Variants in ADAMTS14 observed in about 807,000 individuals in gnomAD.
ADAMTS14 encodes the protein A disintegrin and metalloproteinase with thrombospondin motifs 14.
In ADAMTS14, 100 loss-of-function variants were observed where a neutral mutation model predicts 128.6. The ratio of observed to expected loss-of-function variants is 0.78; its 90% CI spans 0.66 to 0.92. The LOEUF is 0.92. ADAMTS14 is among the 40% of genes least tolerant of loss of function. The pLI, the probability that ADAMTS14 is intolerant of heterozygous loss-of-function variation, is 0.00. For missense variants in ADAMTS14, 1,562 were observed against 1,658.6 expected, an observed-to-expected ratio of 0.94 and a Z score of 1.01; for synonymous variants, 665 against 653.8, an observed-to-expected ratio of 1.02 and a Z score of -0.26.
chr10:70,702,342 T>G lies in ADAMTS14; in HGVS notation c.553T>G (p.Phe185Val). The change falls in exon 3 of 22, where the codon TTC becomes GTC. Residue 185 changes from phenylalanine to valine, a missense_variant. Phe to Val is a conservative substitution (Grantham distance 50). Coordinates refer to ENST00000373207, the MANE Select transcript of ADAMTS14 (RefSeq NM_080722.4). Reference protein sequence around the residue: ...AGLIRTDSTDFFIEPLERGQQ... With the variant: ...AGLIRTDSTDVFIEPLERGQQ... Reference sequence around the variant, plus strand: ...CCTCATCCGCACAGACAGCACCGACTTCTTCATTGAGCCTCTGGAGCGGGG... The same window carrying G: ...CCTCATCCGCACAGACAGCACCGACGTCTTCATTGAGCCTCTGGAGCGGGG... 1.2e-6 allele frequency: 2 copies of G among 1,614,214 alleles called. No individual in the cohort carries two copies. The highest frequency in any genetic ancestry group is 1.7e-6 in the Non-Finnish European group (2 of 1,180,042).
intron 4 of ADAMTS14, among the ~76,000 whole-genome samples, chr10:70,709,253 G>T (rs375430448): frequency 6.6e-6 from 1 of 152,146 alleles, no homozygotes; most frequent in Non-Finnish European, 1.5e-5. Flanking sequence ...AGACCCTGAC[G>T]TTGGCCCTGG....
intron 15 of ADAMTS14, 48 bp from the exon 16 acceptor site, chr10:70,749,774 T>C (rs368222034): frequency 2.5e-6 from 4 of 1,597,094 alleles, no homozygotes; most frequent in Non-Finnish European, 3.4e-6. Flanking sequence ...GCCCGCCCCC[T>C]GTGGAGAGGA....
At chr10:70,749,725 A>C in intron 15 of ADAMTS14, 97 bp from the exon 16 acceptor site, 1 of 1,436,144 alleles carries the variant, frequency 7.0e-7, no homozygotes, top group Non-Finnish European at 9.4e-7. Flanking sequence ...ACAGGAGCCC[A>C]GAAGGCTCAC....
intron 2 of ADAMTS14, among the ~76,000 whole-genome samples, chr10:70,699,439 T>G (rs1840430431): frequency 6.6e-6 from 1 of 152,054 alleles, no homozygotes; most frequent in Non-Finnish European, 1.5e-5. Context: ...ATGTTAGGAG[T>G]GTCCCTACAC....
At chr10:70,760,313 G>A (rs1271192962) in intron 21 of ADAMTS14, 47 bp from the exon 22 acceptor site, 1 of 1,505,446 alleles carries the variant, frequency 6.6e-7, no homozygotes, top group African/African-American at 1.4e-5. Flanking sequence ...CTGACTGACA[G>A]GCATCCCCAC....
In ADAMTS14 at chr10:70,753,828, A is replaced by G; in HGVS notation, c.2758A>G (p.Ser920Gly). The G allele has an allele frequency of 6.3e-7, 1 of 1,589,152 alleles. No individual in the cohort carries two copies. ...GGTGACGGAGGAGTGGGGTGCCTGCAGCCGGAGCTGTGGGAAGCTGGGGGT... is the reference window on the plus strand; with the variant it reads ...GGTGACGGAGGAGTGGGGTGCCTGCGGCCGGAGCTGTGGGAAGCTGGGGGT... ...VWVTEEWGAC[S>G]RSCGKLGVQT... is the part of the protein sequence containing the mutation. Residue 920 changes from serine to glycine, a missense_variant, in exon 19 of 22, where the codon AGC becomes GGC. Transcript: ENST00000373207.
intron 2 of ADAMTS14, among the ~76,000 whole-genome samples, chr10:70,692,009 T>A (rs1840206177): frequency 6.6e-6 from 1 of 152,164 alleles, no homozygotes; most frequent in Non-Finnish European, 1.5e-5. Flanking sequence ...TTTGAAAGCC[T>A]CCAGGGTTTG....
At position 70,738,925 on chromosome 10, in the gene ADAMTS14, TG is replaced by T. The variant is rs1286385987; in HGVS notation, c.1686del (p.Ser563HisfsTer30). ...GAGGCTGGAGCTCCTGGACCAAGTT[TG>T]GGTCATGTTCGCGGTCATGTGGGGG... ...DGGWSSWTKFGSCSRSCGGGV... is the reference protein window; with the variant it reads ...DGGWSSWTKFXSCSRSCGGGV... On this transcript the variant is annotated frameshift_variant, in exon 11 of 22. Coordinates refer to ENST00000373207, the MANE Select transcript of ADAMTS14 (RefSeq NM_080722.4). LOFTEE classifies it high-confidence loss of function. 6 of 1,613,722 alleles carry T rather than the reference TG, an allele frequency of 3.7e-6. No homozygotes were observed. The highest frequency in any genetic ancestry group is 1.3e-5 in the African/African-American group (1 of 74,878).
chr10:70,735,393 C>A, intron 9 of ADAMTS14, 92 bp downstream of exon 9: 1 of 1,500,460 alleles, frequency 6.7e-7, no homozygotes, highest in Non-Finnish European at 8.9e-7. Context: ...TGCCTTCTGC[C>A]CAGCTGGCCA....
chr10:70,754,131 T>C, intron 19 of ADAMTS14, 124 bp downstream of exon 19: 1 of 955,946 alleles, frequency 1.0e-6, no homozygotes, highest in Non-Finnish European at 1.5e-6. Flanking sequence ...AATTTTGTTT[T>C]CCTTAAAGTA....
At position 70,743,689 on chromosome 10, in the gene ADAMTS14, C is replaced by T; in HGVS notation, c.2058+8C>T. 2 of 1,559,114 alleles carry T rather than the reference C, an allele frequency of 1.3e-6. No homozygotes were observed. Among genetic ancestry groups the T allele is most frequent in the Non-Finnish European group, 1.7e-6 (2 of 1,151,322 alleles). ...GCGCGTGGCGAGTGTGTGGTGGGTG[C>T]ACCCCCAGCCACCCCGACTACCGGC... On this transcript the variant is annotated splice_region_variant and intron_variant, in intron 13 of 21. Coordinates refer to ENST00000373207, the MANE Select transcript of ADAMTS14 (RefSeq NM_080722.4).
chr10:70,699,572 G>A (rs1269504774), intron 2 of ADAMTS14, among the ~76,000 whole-genome samples: 2 of 152,132 alleles, frequency 1.3e-5, no homozygotes, highest in African/African-American at 4.8e-5. Flanking sequence ...CGAGCACGAT[G>A]ATCTTGAAAG....
At chr10:70,730,297 C>A in intron 6 of ADAMTS14, 48 bp downstream of exon 6, 1 of 1,579,994 alleles carries the variant, frequency 6.3e-7, no homozygotes. Context: ...GCAGCATGCA[C>A]GGCAGACAGA....
intron 15 of ADAMTS14, 142 bp downstream of exon 15, chr10:70,745,448 T>C: frequency 1.1e-6 from 1 of 899,132 alleles, no homozygotes. Flanking sequence ...CCCCTTTTCA[T>C]TTTATTTTAA....
intron 19 of ADAMTS14, among the ~76,000 whole-genome samples, chr10:70,755,446 G>A (rs1028872275): frequency 5.9e-5 from 9 of 152,208 alleles, no homozygotes; most frequent in African/African-American, 9.7e-5. Context: ...TTTAATAGGC[G>A]AGGAGTTTCA....
chr10:70,760,037 G>T (rs543115682), intron 21 of ADAMTS14, among the ~76,000 whole-genome samples: 1 of 152,356 alleles, frequency 6.6e-6, no homozygotes, highest in Admixed American at 6.5e-5. Context: ...GCCCCAGCCT[G>T]AGTTTCTGAT....
intron 2 of ADAMTS14, among the ~76,000 whole-genome samples, chr10:70,679,653 C>T (rs540015511): frequency 1.1e-3 from 166 of 152,362 alleles, no homozygotes; most frequent in Non-Finnish European, 1.8e-3. Flanking sequence ...TGCCCTGCGA[C>T]GGGGTGACGG....
At chr10:70,675,383 G>T (rs895371240) in intron 2 of ADAMTS14, among the ~76,000 whole-genome samples, 2 of 152,164 alleles carry the variant, frequency 1.3e-5, no homozygotes, top group East Asian at 3.8e-4. Flanking sequence ...AGATGCTGGG[G>T]GTACAGTGGT....
chr10:70,760,733 C>T lies in ADAMTS14; in HGVS notation c.3552C>T (p.Pro1184=), dbSNP rs150968185. 5,758 of 1,614,032 alleles carry T rather than the reference C, an allele frequency of 3.6e-3. 23 individuals carry two copies. Among genetic ancestry groups the T allele is most frequent in the Admixed American group, 8.8e-3 (528 of 60,006 alleles). The change falls in exon 22 of 22, where the codon CCC becomes CCT. Residue 1184 remains proline (P), a synonymous_variant. Coordinates refer to ENST00000373207, the MANE Select transcript of ADAMTS14 (RefSeq NM_080722.4). ...CCTGGAGCATCTCCCCTACCACCCC[C>T]GGGGGGCTGCCTTGGGGCTGGACTC... ...GASWSISPTT[P]GGLPWGWTQT...
Sources: allele counts gnomAD v4.1 joint callset (sites outside exome capture counted in the v4.1 genomes callset), GRCh38; gene constraint gnomAD v4.1.1; transcripts MANE v1.5; gene names NCBI Gene and HGNC (gene_info 2026-07-23, HGNC 2026-07-21).